The following LINGO2 variants were observed in gnomAD, a reference collection of about 807,000 sequenced individuals.
LINGO2 encodes leucine-rich repeat and immunoglobulin-like domain-containing nogo receptor-interacting protein 2.
Under a neutral mutation model 30.6 loss-of-function variants are expected in LINGO2, and 14 were observed. The ratio of observed to expected loss-of-function variants is 0.46; its 90% CI spans 0.30 to 0.72. The LOEUF is 0.72. Ranked by LOEUF, LINGO2 falls within the 30% of genes least tolerant of loss-of-function variation. LINGO2 has a pLI of 0.07. For synonymous variants in LINGO2, 317 were observed against 288.5 expected (o/e 1.10, Z -1.00); for missense variants, 729 against 751.7 (o/e 0.97, Z 0.35).
At position 28,363,662 on chromosome 9, in the gene LINGO2, G is replaced by T. The variant is rs116956887; in HGVS notation, c.-246+9174C>A. ...CGGAGTCACTATCTTTAGCTAATTA[G>T]TCAAGGCTAGATGCACATGTTCACT... is the stretch of plus-strand genomic sequence containing the variant. On this transcript the variant is annotated intron_variant, in intron 3 of 5. Coordinates refer to ENST00000379992, the Ensembl canonical transcript of LINGO2. 9.8e-3 allele frequency among the ~76,000 whole-genome samples: 1,489 copies of T among 151,896 alleles called. 16 individuals carry two copies. Among genetic ancestry groups the T allele is most frequent in the Non-Finnish European group, 0.013 (876 of 67,958 alleles).
intron 5 of LINGO2, among the ~76,000 whole-genome samples, chr9:27,977,025 C>CT (rs1820630339): frequency 2.1e-5 from 3 of 144,562 alleles, no homozygotes; most frequent in South Asian, 2.3e-4. Context: ...TTCCACTGGA[C>CT]TTTTTTTAGG....
the LINGO2 span, among the ~76,000 whole-genome samples, chr9:29,198,165 G>A: frequency 6.6e-6 from 1 of 152,082 alleles, no homozygotes; most frequent in Non-Finnish European, 1.5e-5. Flanking sequence ...ACAATGGTCT[G>A]TAGAACAAGA....
At chr9:28,995,115 A>G in the LINGO2 span, among the ~76,000 whole-genome samples, 7 of 152,026 alleles carry the variant, frequency 4.6e-5, no homozygotes, top group Non-Finnish European at 8.8e-5. Context: ...TTGGCAACCT[A>G]CTCATCTGAC....
chr9:28,983,889 C>A, the LINGO2 span, among the ~76,000 whole-genome samples: 1 of 152,020 alleles, frequency 6.6e-6, no homozygotes, highest in Non-Finnish European at 1.5e-5. Flanking sequence ...GCACCATACA[C>A]TGATATACCT....
chr9:28,224,967 A>G (rs1481093513), intron 4 of LINGO2, among the ~76,000 whole-genome samples: 2 of 152,194 alleles, frequency 1.3e-5, no homozygotes, highest in Admixed American at 6.5e-5. Context: ...AAAACCACAC[A>G]TTTGCAACCA....
chr9:28,564,551 T>C (rs1047896843), intron 1 of LINGO2, among the ~76,000 whole-genome samples: 1 of 152,110 alleles, frequency 6.6e-6, no homozygotes, highest in Non-Finnish European at 1.5e-5. Context: ...AGAGCACTGT[T>C]GTAGTTGCGT....
chr9:28,646,058 TG>T (rs1360293577), intron 1 of LINGO2, among the ~76,000 whole-genome samples: 1 of 152,176 alleles, frequency 6.6e-6, no homozygotes. Flanking sequence ...AATTAGAAAC[TG>T]TAGGCCAACT....
chr9:28,148,993 G>A lies in LINGO2; in HGVS notation c.-86-136588C>T, dbSNP rs562258998. 59 of 1,534,250 alleles carry A rather than the reference G, an allele frequency of 3.8e-5. No individual in the cohort carries two copies. The highest frequency in any genetic ancestry group is 3.4e-4 in the East Asian group (14 of 40,894). On this transcript the variant is annotated intron_variant, in intron 4 of 5. Transcript: ENST00000379992. This position sits in a 1 kb window ranked among gnomAD's most constrained non-coding sequence, Gnocchi z 5.1. ...CGGGGCCACCGCTGCAGCTGCAACC[G>A]ACCCCTCCCCTGCAACTGAGGTGGG...
At chr9:28,377,982 C>T (rs1456050895) in intron 2 of LINGO2, among the ~76,000 whole-genome samples, 1 of 152,194 alleles carries the variant, frequency 6.6e-6, no homozygotes, top group East Asian at 1.9e-4. Flanking sequence ...CTGCTCCACA[C>T]TATTCCTCAA....
At chr9:28,021,137 G>GT (rs969388972) in intron 4 of LINGO2, among the ~76,000 whole-genome samples, 1 of 150,942 alleles carries the variant, frequency 6.6e-6, no homozygotes, top group Non-Finnish European at 1.5e-5. Flanking sequence ...TTATTTAGAT[G>GT]TTTTTTTCTA....
rs967479956 is a variant in LINGO2, at chr9:28,047,417, ACTT to A, written c.-86-35015_-86-35013del. Among the ~76,000 whole-genome samples the A allele has an allele frequency of 7.1e-5, 10 of 141,240 alleles. 1 individual carries two copies. The highest frequency in any genetic ancestry group is 1.6e-4 in the African/African-American group (6 of 36,822). 92.7% of individuals were successfully genotyped at this position (141,240 alleles called of 152,430 possible). A position where few individuals can be genotyped will look rare whatever the true frequency, so the allele number is the denominator to read the frequency against. On this transcript the variant is annotated intron_variant, in intron 4 of 5. Transcript: ENST00000379992. ...ATATTCAAACAGATAGTGGCCTTCC[ACTT>A]CTTTTCCAGTTGAAATATTAACTAT... is the stretch of plus-strand genomic sequence containing the variant.
intron 1 of LINGO2, among the ~76,000 whole-genome samples, chr9:28,589,103 C>A (rs1465276490): frequency 6.6e-6 from 1 of 152,108 alleles, no homozygotes; most frequent in Admixed American, 6.6e-5. Context: ...TTCAACAACC[C>A]TTCATGCTAA....
chr9:28,016,682 T>TAAAAAAAAAA (rs72138034), intron 4 of LINGO2, among the ~76,000 whole-genome samples: 1 of 115,330 alleles, frequency 8.7e-6, no homozygotes, highest in Non-Finnish European at 1.8e-5. Context: ...ATTAAACCAG[T>TAAAAAAAAAA]AAAAAAAAAA....
chr9:28,490,394 A>C (rs1826349007), intron 1 of LINGO2, among the ~76,000 whole-genome samples: 1 of 152,220 alleles, frequency 6.6e-6, no homozygotes, highest in African/African-American at 2.4e-5. Context: ...AACCCAAAGA[A>C]AGTCTGATTG....
At chr9:29,048,783 C>A in the LINGO2 span, among the ~76,000 whole-genome samples, 1 of 152,118 alleles carries the variant, frequency 6.6e-6, no homozygotes, top group Non-Finnish European at 1.5e-5. Flanking sequence ...TAAAACTAGA[C>A]CCCTATCTTT....
At chr9:28,588,912 C>G (rs956112684) in intron 1 of LINGO2, among the ~76,000 whole-genome samples, 1 of 152,040 alleles carries the variant, frequency 6.6e-6, no homozygotes, top group African/African-American at 2.4e-5. Flanking sequence ...CACTGCTGTG[C>G]AAGCTTAGAT....
the LINGO2 span, among the ~76,000 whole-genome samples, chr9:28,829,552 T>C: frequency 6.6e-6 from 1 of 152,228 alleles, no homozygotes; most frequent in Non-Finnish European, 1.5e-5. Context: ...GCACAGTGTT[T>C]GCTTTATCAA....
the LINGO2 span, among the ~76,000 whole-genome samples, chr9:28,826,732 C>T: frequency 6.6e-6 from 1 of 152,162 alleles, no homozygotes; most frequent in East Asian, 1.9e-4. Context: ...GTTAATTTAA[C>T]TGATGTTCCC....
intron 4 of LINGO2, among the ~76,000 whole-genome samples, chr9:28,110,967 C>G (rs1826763598): frequency 6.6e-6 from 1 of 152,034 alleles, no homozygotes; most frequent in South Asian, 2.1e-4. Flanking sequence ...TTTACACTAG[C>G]AAAGACTTGG....
Sources: allele counts gnomAD v4.1 joint callset (sites outside exome capture counted in the v4.1 genomes callset), GRCh38; gene constraint gnomAD v4.1.1; non-coding constraint Gnocchi (gnomAD v3.1); transcripts MANE v1.5; gene names NCBI Gene and HGNC (gene_info 2026-07-23, HGNC 2026-07-21).